The following GSE1 variants were observed in gnomAD, a reference collection of about 807,000 sequenced individuals.
The protein encoded by GSE1 is genetic suppressor element 1.
A neutral mutation model predicts 112.6 loss-of-function variants in GSE1; 32 were observed. The ratio of observed to expected loss-of-function variants is 0.28; its 90% confidence interval spans 0.21 to 0.38. GSE1 has a LOEUF of 0.38. GSE1 is among the 10% of genes least tolerant of loss of function. The pLI, the probability that GSE1 is intolerant of heterozygous loss-of-function variation, is 1.00. For synonymous variants in GSE1, 1,115 were observed against 735.6 expected (o/e 1.52, Z -8.35); for missense variants, 2,348 against 1,699.2 (o/e 1.38, Z -6.71).
At chr16:85,606,872 C>A (rs1464717903), upstream of GSE1, among the ~76,000 whole-genome samples, 2 of 152,252 alleles carry the variant, frequency 1.3e-5, no homozygotes, top group Admixed American at 6.5e-5. Flanking sequence ...CTCTGCCCCC[C>A]ATCAAGGGTC....
intron 2 of GSE1, among the ~76,000 whole-genome samples, chr16:85,455,252 G>A (rs750841279): frequency 1.4e-4 from 22 of 152,228 alleles, no homozygotes; most frequent in Non-Finnish European, 2.6e-4. Flanking sequence ...CTGGCGTGGT[G>A]GCACATGCCT....
chr16:85,211,752 G>T (rs901275781), intron 1 of GSE1, among the ~76,000 whole-genome samples: 7 of 152,210 alleles, frequency 4.6e-5, no homozygotes, highest in Admixed American at 3.3e-4. Flanking sequence ...CCGCGAGAGA[G>T]GTATCAGTGC....
rs1908635915 is a variant in GSE1 at position 85,269,709 on chromosome 16, A to G, written c.2284-87754A>G. ...CCCAAGCCATGGGGAAGGGGCTCCC[A>G]GTGTCCCCAAAGAGGAGCTGCACCA... On this transcript the variant is annotated intron_variant, in intron 1 of 2. Transcript: ENST00000637419. Among the ~76,000 whole-genome samples, 2 of 148,954 alleles carry G rather than the reference A, an allele frequency of 1.3e-5. 1 individual carries two copies.
intron 1 of GSE1, among the ~76,000 whole-genome samples, chr16:85,337,310 T>TC (rs1426546209): frequency 7.2e-6 from 1 of 139,454 alleles, no homozygotes; most frequent in African/African-American, 2.6e-5. Flanking sequence ...TTCTTTTCTT[T>TC]TTTTTTTTTT....
intron 2 of GSE1, among the ~76,000 whole-genome samples, chr16:85,465,017 C>G (rs961491939): frequency 6.6e-6 from 1 of 152,220 alleles, no homozygotes; most frequent in African/African-American, 2.4e-5. Flanking sequence ...CAGGGTCACA[C>G]AGCTAGTGAG....
At chr16:85,618,601 C>A (rs1345616890) in intron 1 of GSE1, among the ~76,000 whole-genome samples, 1 of 152,230 alleles carries the variant, frequency 6.6e-6, no homozygotes. Context: ...GCCTTTATTA[C>A]CAAGTGCCCA....
At chr16:85,418,967 T>TG (rs2048764782) in intron 2 of GSE1, among the ~76,000 whole-genome samples, 1 of 152,000 alleles carries the variant, frequency 6.6e-6, no homozygotes, top group Non-Finnish European at 1.5e-5. Context: ...GGAGCAGGTT[T>TG]GGGGGTGGGA....
chr16:85,171,613 C>G, exon 1 of GSE1: 1 of 985,584 alleles, frequency 1.0e-6, no homozygotes. Flanking sequence ...GTGTCTGGGG[C>G]TGAAGTCCGT....
Position 85,574,022 on chromosome 16 carries a change from C to T in GSE1, c.37+17659C>T, listed in dbSNP as rs77189099. Among the ~76,000 whole-genome samples the T allele has an allele frequency of 3.9e-3, 590 of 152,298 alleles. 3 individuals carry two copies. The highest frequency in any genetic ancestry group is 0.013 in the African/African-American group (556 of 41,578). On this transcript the variant is annotated intron_variant, in intron 1 of 2. Coordinates refer to the GSE1 transcript ENST00000635906. ...GGACATCCCATCAGCTCAGCCCCCG[C>T]GGGGACTGGCTTGGGAGAGGCCCGC...
rs527478995 is a variant in GSE1 at position 85,373,460 on chromosome 16, C to T, written c.2464+15817C>T. Among the ~76,000 whole-genome samples, 8 of 151,576 alleles carry T rather than the reference C, an allele frequency of 5.3e-5. No individual in the cohort carries two copies. Among genetic ancestry groups the T allele is most frequent in the African/African-American group, 1.2e-4 (5 of 40,872 alleles). Reference sequence around the variant, plus strand: ...GAGGGGACGAGAACCTCTCCCCCTCCGCTGCTTTCCAGCTCAGCCTGTCTC... The same window carrying T: ...GAGGGGACGAGAACCTCTCCCCCTCTGCTGCTTTCCAGCTCAGCCTGTCTC... On this transcript the variant is annotated intron_variant, in intron 2 of 2. Coordinates refer to the GSE1 transcript ENST00000637419. The surrounding 1 kb of genome is among the most constrained non-coding windows in gnomAD (Gnocchi z 5.1).
chr16:85,461,587 C>A (rs1413045153), intron 2 of GSE1, among the ~76,000 whole-genome samples: 3 of 152,150 alleles, frequency 2.0e-5, no homozygotes, highest in Non-Finnish European at 4.4e-5. Flanking sequence ...CCCTGGTGTA[C>A]ATGGTTGTTT....
intron 1 of GSE1, among the ~76,000 whole-genome samples, chr16:85,183,857 T>C (rs1307241591): frequency 2.0e-5 from 3 of 152,226 alleles, no homozygotes; most frequent in Non-Finnish European, 4.4e-5. Flanking sequence ...ACCCAAAGTC[T>C]GGCTCTCAGA....
At chr16:85,561,682 C>G (rs2045528304) in intron 1 of GSE1, among the ~76,000 whole-genome samples, 1 of 152,254 alleles carries the variant, frequency 6.6e-6, no homozygotes, top group African/African-American at 2.4e-5. Flanking sequence ...CCGGCCCCAG[C>G]TGCCCCCGGA....
intron 1 of GSE1, among the ~76,000 whole-genome samples, chr16:85,345,850 T>C (rs950251870): frequency 4.6e-5 from 7 of 152,142 alleles, no homozygotes; most frequent in Non-Finnish European, 8.8e-5. Context: ...GATGAATGGA[T>C]TGATGGATGA....
intron 2 of GSE1, among the ~76,000 whole-genome samples, chr16:85,417,930 C>T (rs1326183023): frequency 2.0e-5 from 3 of 152,230 alleles, no homozygotes; most frequent in African/African-American, 7.2e-5. Flanking sequence ...ACCTCCGCCT[C>T]CCGAGTTCAA....
chr16:85,588,943 TCA>T (rs989684763), intron 1 of GSE1, among the ~76,000 whole-genome samples: 41 of 152,212 alleles, frequency 2.7e-4, no homozygotes, highest in Admixed American at 8.5e-4. Flanking sequence ...ATGTTCACAC[TCA>T]CACATATTCA....
At position 85,170,361 on chromosome 16, in the gene GSE1, G is replaced by C. The variant is rs1200926570; in HGVS notation, c.837G>C (p.Trp279Cys). Residue 279 changes from tryptophan (W) to cysteine (C), a missense_variant, in exon 1 of 3, where the codon TGG (tryptophan) becomes TGC (cysteine). Transcript: ENST00000637419. ...TCCTGAGGAGCATTCAGGATCCCTGGCAAGGCCCTCTTGTCCAAGAGGCCC... is the reference window on the plus strand; with the variant it reads ...TCCTGAGGAGCATTCAGGATCCCTGCCAAGGCCCTCTTGTCCAAGAGGCCC... 11 of 985,360 alleles carry C rather than the reference G, an allele frequency of 1.1e-5. No homozygotes were observed. The South Asian group carries it at 4.7e-4, about 42-fold the overall frequency. The allele number at this position is 985,360 out of a possible 1,614,324, so 61.0% of individuals were successfully genotyped here.
intron 1 of GSE1, among the ~76,000 whole-genome samples, chr16:85,341,201 T>G (rs1436350724): frequency 6.6e-6 from 1 of 152,040 alleles, no homozygotes; most frequent in Admixed American, 6.6e-5. Context: ...TTGTTTACTT[T>G]TTTTTTTTAA....
At chr16:85,416,822 G>C (rs950075766) in intron 2 of GSE1, among the ~76,000 whole-genome samples, 1 of 152,082 alleles carries the variant, frequency 6.6e-6, no homozygotes, top group Non-Finnish European at 1.5e-5. Context: ...TTTTGTTGGT[G>C]GTGGTTTTTC....
Sources: allele counts gnomAD v4.1 joint callset (sites outside exome capture counted in the v4.1 genomes callset), GRCh38; gene constraint gnomAD v4.1.1; non-coding constraint Gnocchi (gnomAD v3.1); transcripts MANE v1.5; gene names NCBI Gene and HGNC (gene_info 2026-07-23, HGNC 2026-07-21).